The following DIP2C variants were observed in gnomAD, a reference collection of about 807,000 sequenced individuals.
DIP2C encodes DIP2 acetate--CoA ligase C (putative).
A neutral mutation model predicts 192.4 loss-of-function variants in DIP2C; 33 were observed. The ratio of observed to expected loss-of-function variants is 0.17; its 90% CI spans 0.13 to 0.23. DIP2C has a LOEUF of 0.23. Among genes scored for constraint, DIP2C ranks in the 10% least tolerant of loss-of-function variants. The probability of loss-of-function intolerance (pLI) is 1.00; values close to 1 mark genes in which losing one functional copy is unlikely to be tolerated. For missense variants in DIP2C, 1,537 were observed against 2,110.1 expected, an observed-to-expected ratio of 0.73 and a Z score of 5.32; for synonymous variants, 979 against 864.1, an observed-to-expected ratio of 1.13 and a Z score of -2.33.
intron 29 of DIP2C, 101 bp downstream of exon 29, chr10:341,098 G>C (rs774084021): frequency 1.4e-4 from 209 of 1,518,050 alleles, no homozygotes; most frequent in Non-Finnish European, 1.8e-4. Context: ...TGGCAGGAGT[G>C]GGGGTGTGGG....
intron 4 of DIP2C, among the ~76,000 whole-genome samples, chr10:431,773 T>C (rs1346895236): frequency 6.6e-6 from 1 of 152,252 alleles, no homozygotes; most frequent in African/African-American, 2.4e-5. Flanking sequence ...TAGTACAATG[T>C]TGAAAAGAAG....
intron 1 of DIP2C, among the ~76,000 whole-genome samples, chr10:619,210 C>T (rs755842831): frequency 4.6e-5 from 7 of 152,204 alleles, no homozygotes; most frequent in Non-Finnish European, 7.3e-5. Context: ...CATTTCAATA[C>T]GTGCACCTTC....
At chr10:320,126 C>A (rs1306356667) in intron 31 of DIP2C, among the ~76,000 whole-genome samples, 4 of 152,284 alleles carry the variant, frequency 2.6e-5, no homozygotes, top group Non-Finnish European at 5.9e-5. Context: ...AAGATTCACA[C>A]CAGGGGTTCA....
At chr10:325,067 C>CAT (rs1957212677) in intron 31 of DIP2C, 2 of 444,732 alleles carry the variant, frequency 4.5e-6, no homozygotes, top group Non-Finnish European at 9.0e-6. Context: ...AGATCAAAAC[C>CAT]ATGCTGGCTA....
chr10:420,147 CCT>C (rs1210689649), intron 5 of DIP2C, among the ~76,000 whole-genome samples: 3 of 152,244 alleles, frequency 2.0e-5, no homozygotes, highest in African/African-American at 7.2e-5. Flanking sequence ...TCCCCAAAAG[CCT>C]CTCTTCACCG....
chr10:281,636 C>T (rs904927484), intron 35 of DIP2C, among the ~76,000 whole-genome samples: 2 of 152,232 alleles, frequency 1.3e-5, no homozygotes, highest in East Asian at 3.8e-4. Flanking sequence ...TCGGGAGCAA[C>T]TGAGGGGCGA....
chr10:294,803 C>T (rs1955669979), intron 32 of DIP2C, among the ~76,000 whole-genome samples: 1 of 151,736 alleles, frequency 6.6e-6, no homozygotes, highest in South Asian at 2.1e-4. Flanking sequence ...GCCACAAAAG[C>T]AAAAATAAGC....
At chr10:323,931 T>G (rs1454593440) in intron 31 of DIP2C, among the ~76,000 whole-genome samples, 1 of 152,092 alleles carries the variant, frequency 6.6e-6, no homozygotes, top group African/African-American at 2.4e-5. Context: ...TCTATCACCA[T>G]CAGGTTTTTT....
At chr10:431,255 G>A (rs768138184) in intron 4 of DIP2C, among the ~76,000 whole-genome samples, 23 of 152,182 alleles carry the variant, frequency 1.5e-4, no homozygotes, top group African/African-American at 2.4e-4. Context: ...AAACTCGTTC[G>A]GATGTTGGTT....
At chr10:663,045 G>A in intron 1 of DIP2C, 6 of 648,048 alleles carry the variant, frequency 9.3e-6, no homozygotes, top group Non-Finnish European at 1.7e-5. Flanking sequence ...TCTGGACCCT[G>A]CTGGGGCAGA....
chr10:554,413 T>C (rs952664541), intron 1 of DIP2C, among the ~76,000 whole-genome samples: 1 of 152,254 alleles, frequency 6.6e-6, no homozygotes, highest in Middle Eastern at 3.2e-3. Flanking sequence ...TGATCCTTAT[T>C]GTTTAGATCT....
chr10:670,466 G>A (rs988018931), intron 1 of DIP2C, among the ~76,000 whole-genome samples: 8 of 152,338 alleles, frequency 5.3e-5, no homozygotes, highest in African/African-American at 1.7e-4. Flanking sequence ...AAACAGGGTA[G>A]GGTGTCAACA....
At chr10:394,284 G>A (rs984433547) in intron 10 of DIP2C, among the ~76,000 whole-genome samples, 10 of 152,100 alleles carry the variant, frequency 6.6e-5, no homozygotes, top group African/African-American at 2.2e-4. Context: ...ACGTCACACA[G>A]TGGGCGCTAT....
intron 33 of DIP2C, among the ~76,000 whole-genome samples, chr10:287,547 G>T (rs1248721159): frequency 6.6e-6 from 1 of 151,832 alleles, no homozygotes; most frequent in Non-Finnish European, 1.5e-5. Context: ...TCCTACTGTT[G>T]GAACCAACTC....
chr10:430,097 G>C (rs1041860477), intron 4 of DIP2C: 1 of 152,144 alleles, frequency 6.6e-6, no homozygotes, highest in African/African-American at 2.4e-5. Context: ...GGTGTATAGT[G>C]GTGTCTTACT....
intron 35 of DIP2C, chr10:282,173 A>G (rs965471706): frequency 8.5e-5 from 13 of 152,676 alleles, no homozygotes; most frequent in African/African-American, 2.7e-4. Context: ...AGATGGAGAC[A>G]TTGACTCGGC....
At chr10:545,163 T>TCC (rs201541911) in intron 1 of DIP2C, among the ~76,000 whole-genome samples, 15 of 130,430 alleles carry the variant, frequency 1.2e-4, no homozygotes, top group African/African-American at 3.9e-4. Flanking sequence ...ACTGGTGTTT[T>TCC]CCCTTTTTTT....
chr10:657,744 A>C lies in DIP2C; in HGVS notation c.85+31750T>G, dbSNP rs1256127552. Among the ~76,000 whole-genome samples, 146 of 63,632 alleles carry C rather than the reference A, an allele frequency of 2.3e-3. 2 individuals are homozygous for C. The highest frequency in any genetic ancestry group is 4.6e-3 in the East Asian group (8 of 1,726). The allele number at this position is 63,632 out of a possible 152,430, so 41.7% of individuals were successfully genotyped here. On this transcript the variant is annotated intron_variant, in intron 1 of 36. Coordinates refer to ENST00000280886, the MANE Select transcript of DIP2C (RefSeq NM_014974.3). ...CCCTGGACCTGCCGCTGGACCTGACACTGGACCTGCCACTGGACCTGACGC... is the reference window on the plus strand; with the variant it reads ...CCCTGGACCTGCCGCTGGACCTGACCCTGGACCTGCCACTGGACCTGACGC...
rs570012584 is a variant in DIP2C, at chr10:428,659, C to T, written c.395-5626G>A. Among the ~76,000 whole-genome samples, 4 of 152,118 alleles carry T rather than the reference C, an allele frequency of 2.6e-5. No homozygotes were observed. The East Asian group carries it at 5.8e-4, about 22-fold the overall frequency. On this transcript the variant is annotated intron_variant, in intron 4 of 36. Coordinates refer to ENST00000280886, the MANE Select transcript of DIP2C (RefSeq NM_014974.3). ...TCTGCTTGGAGTTCACTGAACTTCT[C>T]GGGGCTGGACACAGGTGTTTGACAT...
Sources: allele counts gnomAD v4.1 joint callset (sites outside exome capture counted in the v4.1 genomes callset), GRCh38; gene constraint gnomAD v4.1.1; transcripts MANE v1.5; gene names NCBI Gene and HGNC (gene_info 2026-07-23, HGNC 2026-07-21).